The following SH3BP2 variants were observed in gnomAD, a reference collection of about 807,000 sequenced individuals.
SH3BP2 encodes SH3 domain binding protein 2.
In SH3BP2, 38 loss-of-function variants were observed where a neutral mutation model predicts 56.2. The observed-to-expected ratio is 0.68, with a 90% confidence interval of 0.52 to 0.89. The LOEUF (loss-of-function observed/expected upper bound fraction) is 0.89, where lower values mean the gene tolerates loss of function less well. Ranked by LOEUF, SH3BP2 falls within the 40% of genes least tolerant of loss-of-function variation. The pLI is 0.00. For synonymous variants in SH3BP2, 346 were observed against 316.7 expected, an observed-to-expected ratio of 1.09 and a Z score of -0.98; for missense variants, 748 against 762.6, an observed-to-expected ratio of 0.98 and a Z score of 0.23.
At chr4:2,818,390 C>T (rs901817699) in intron 1 of SH3BP2, 42 of 1,177,328 alleles carry the variant, frequency 3.6e-5, no homozygotes, top group Non-Finnish European at 4.2e-5. Context: ...GCGTGGACGC[C>T]GTGAGTACCG....
intron 11 of SH3BP2, 99 bp from the exon 12 acceptor site, chr4:2,832,891 G>C (rs1276544214): frequency 1.6e-6 from 2 of 1,245,172 alleles, no homozygotes. Context: ...ACAGGACCCA[G>C]CCTTGATGGT....
rs894289955 is a variant in SH3BP2, at chr4:2,836,023, A to C, written c.*2189A>C. The C allele has an allele frequency of 2.6e-5, 4 of 152,138 alleles. No individual in the cohort carries two copies. Among genetic ancestry groups the C allele is most frequent in the Non-Finnish European group, 5.9e-5 (4 of 68,022 alleles). The allele number at this position is 152,138 out of a possible 1,614,324, so 9.4% of individuals were successfully genotyped here. A position where few individuals can be genotyped will look rare whatever the true frequency, so the allele number is the denominator to read the frequency against. On this transcript the variant is annotated 3_prime_UTR_variant, in exon 13 of 13. Coordinates refer to ENST00000503393, the MANE Select transcript of SH3BP2 (RefSeq NM_001122681.2). Reference sequence around the variant, plus strand: ...GCTAGTGAGTGGTGCAGTCCAGGACACCTTTGCTTTATGTCACTTACACGG... The same window carrying C: ...GCTAGTGAGTGGTGCAGTCCAGGACCCCTTTGCTTTATGTCACTTACACGG...
At chr4:2,814,338 G>A (rs1320116656) in intron 1 of SH3BP2, among the ~76,000 whole-genome samples, 1 of 152,164 alleles carries the variant, frequency 6.6e-6, no homozygotes, top group Non-Finnish European at 1.5e-5. Context: ...CTGTGGGACT[G>A]AGCACTTTTC....
chr4:2,797,011 C>T (rs759275687), intron 1 of SH3BP2, among the ~76,000 whole-genome samples: 56 of 152,320 alleles, frequency 3.7e-4, no homozygotes, highest in Non-Finnish European at 6.2e-4. Context: ...GGCCAGATCC[C>T]CAGGCCCGAG....
rs1724243344 is a variant in SH3BP2 at position 2,820,540 on chromosome 4, C to T, written c.-4-74C>T. ...GCTGTGTCCTGGATCTTGGCAGTGTCCCCCTGAGCGCCCTGGCTCAGCCAT... is the reference window on the plus strand; with the variant it reads ...GCTGTGTCCTGGATCTTGGCAGTGTTCCCCTGAGCGCCCTGGCTCAGCCAT... On this transcript the variant is annotated intron_variant, in intron 1 of 12. Transcript: ENST00000503393. 35 of 1,578,684 alleles carry T rather than the reference C, an allele frequency of 2.2e-5. No individual in the cohort carries two copies. The South Asian group carries it at 3.7e-4, about 17-fold the overall frequency.
chr4:2,811,317 C>A (rs530530341), intron 1 of SH3BP2, among the ~76,000 whole-genome samples: 36 of 152,344 alleles, frequency 2.4e-4, no homozygotes, highest in African/African-American at 8.2e-4. Flanking sequence ...GGAAGCCTGG[C>A]GGGCAAGATG....
Position 2,831,769 on chromosome 4 carries a change from GTCCTGAGCAA to G in SH3BP2, c.1350+91_1350+100del. On this transcript the variant is annotated intron_variant, in intron 9 of 12. Transcript: ENST00000503393. The surrounding 1 kb of genome is among the most constrained non-coding windows in gnomAD (Gnocchi z 4.1). ...AGGCCAGGGCGGCCCCTCACAGACC[GTCCTGAGCAA>G]GGACCCCCCGAGAACCCGGGAGCCT... is the stretch of plus-strand genomic sequence containing the variant. 1 of 1,369,814 alleles carries G rather than the reference GTCCTGAGCAA, an allele frequency of 7.3e-7. No individual in the cohort carries two copies. Among genetic ancestry groups the G allele is most frequent in the Non-Finnish European group, 1.0e-6 (1 of 979,888 alleles). 84.9% of individuals were successfully genotyped at this position (1,369,814 alleles called of 1,614,324 possible). A position where few individuals can be genotyped will look rare whatever the true frequency, so the allele number is the denominator to read the frequency against.
chr4:2,805,297 C>T (rs568663198), intron 1 of SH3BP2, among the ~76,000 whole-genome samples: 7 of 152,184 alleles, frequency 4.6e-5, no homozygotes, highest in African/African-American at 1.4e-4. Flanking sequence ...CCTTGCCTAT[C>T]GATGAGGATG....
At chr4:2,812,921 C>T (rs1463206356) in intron 1 of SH3BP2, among the ~76,000 whole-genome samples, 1 of 152,122 alleles carries the variant, frequency 6.6e-6, no homozygotes, top group African/African-American at 2.4e-5. Flanking sequence ...AAGGTCCCTG[C>T]TGCCCACCTG....
chr4:2,813,668 C>CTG (rs905735574), intron 1 of SH3BP2, among the ~76,000 whole-genome samples: 6 of 151,700 alleles, frequency 4.0e-5, no homozygotes, highest in African/African-American at 7.3e-5. Flanking sequence ...TCGTTGGAGG[C>CTG]TGTGTGTGTG....
intron 3 of SH3BP2, among the ~76,000 whole-genome samples, chr4:2,823,996 A>G (rs1724454259): frequency 6.6e-6 from 1 of 152,122 alleles, no homozygotes; most frequent in African/African-American, 2.4e-5. Flanking sequence ...CATGCCATGA[A>G]CCCTGGGCCC....
chr4:2,800,905 G>A (rs1050418398), intron 1 of SH3BP2, among the ~76,000 whole-genome samples: 1 of 152,192 alleles, frequency 6.6e-6, no homozygotes, highest in Non-Finnish European at 1.5e-5. Context: ...GGGCATGGGT[G>A]GCCTTGAGCC....
At chr4:2,828,193 CG>C (rs879404300) in intron 7 of SH3BP2, among the ~76,000 whole-genome samples, 6,135 of 151,898 alleles carry the variant, frequency 0.04, 137 homozygotes, top group Non-Finnish European at 0.048. Context: ...CCTCCTCTGT[CG>C]CCTCCCTCCC....
At chr4:2,825,612 T>A (rs981895757) in intron 5 of SH3BP2, among the ~76,000 whole-genome samples, 10 of 151,822 alleles carry the variant, frequency 6.6e-5, no homozygotes, top group African/African-American at 2.4e-4. Context: ...ACACAGAGCA[T>A]GCACAGGTGT....
intron 1 of SH3BP2, among the ~76,000 whole-genome samples, chr4:2,797,746 C>T (rs1020049251): frequency 1.3e-5 from 2 of 152,108 alleles, no homozygotes; most frequent in African/African-American, 4.8e-5. Context: ...GTCAGGGTCG[C>T]GTCTGAGAGC....
At chr4:2,806,545 T>C (rs1440723689) in intron 1 of SH3BP2, among the ~76,000 whole-genome samples, 2 of 152,168 alleles carry the variant, frequency 1.3e-5, no homozygotes, top group African/African-American at 4.8e-5. Flanking sequence ...CGAGCAGCAG[T>C]GCCAGCCGTG....
rs1413608587 is a variant in SH3BP2, at chr4:2,833,710, A to G, written c.1562A>G (p.Tyr521Cys). 5 of 1,610,692 alleles carry G rather than the reference A, an allele frequency of 3.1e-6. No individual in the cohort carries two copies. Among genetic ancestry groups the G allele is most frequent in the Non-Finnish European group, 4.2e-6 (5 of 1,178,698 alleles). Residue 521 changes from tyrosine (Y) to cysteine (C), a missense_variant, in exon 13 of 13, where the codon TAC becomes TGC. Coordinates refer to ENST00000503393, the MANE Select transcript of SH3BP2 (RefSeq NM_001122681.2). ...YRIFEKDSKF[Y>C]LEGEVLFVSV... ...CTTCCCCCACAGGACTCTAAGTTCT[A>G]CCTGGAGGGCGAGGTCCTGTTTGTG...
chr4:2,801,651 GC>G (rs1301863165), intron 1 of SH3BP2, among the ~76,000 whole-genome samples: 2 of 152,208 alleles, frequency 1.3e-5, no homozygotes, highest in Non-Finnish European at 2.9e-5. Context: ...GAGGAAGCCA[GC>G]GCAAGGACAA....
chr4:2,834,060 C>A lies in SH3BP2; in HGVS notation c.*226C>A. On this transcript the variant is annotated 3_prime_UTR_variant, in exon 13 of 13. Coordinates refer to ENST00000503393, the MANE Select transcript of SH3BP2 (RefSeq NM_001122681.2). ...AGAGGACGAAGGGACTCTGTTGCCC[C>A]ACACTAACTTGCCCTGTCCCAATCC... The A allele has an allele frequency of 1.7e-6, 1 of 581,484 alleles. No homozygotes were observed. Among genetic ancestry groups the A allele is most frequent in the Non-Finnish European group, 3.0e-6 (1 of 328,056 alleles). 36.0% of individuals were successfully genotyped at this position (581,484 alleles called of 1,614,324 possible).
Sources: allele counts gnomAD v4.1 joint callset (sites outside exome capture counted in the v4.1 genomes callset), GRCh38; gene constraint gnomAD v4.1.1; non-coding constraint Gnocchi (gnomAD v3.1); transcripts MANE v1.5; gene names NCBI Gene and HGNC (gene_info 2026-07-23, HGNC 2026-07-21).